Variants in CDH2 observed in about 807,000 individuals in gnomAD.
CDH2 encodes cadherin 2, also known as cadherin-2.
Under a neutral mutation model 92.0 loss-of-function variants are expected in CDH2, and 17 were observed. That is an observed-to-expected ratio of 0.18 (90% CI 0.13 to 0.28). CDH2 has a LOEUF of 0.28. CDH2 is among the 10% of genes least tolerant of loss of function. CDH2 has a pLI of 1.00. For missense variants in CDH2, 862 were observed against 1,133.1 expected (o/e 0.76, Z 3.44); for synonymous variants, 419 against 415.9 (o/e 1.01, Z -0.09).
intron 1 of CDH2, among the ~76,000 whole-genome samples, chr18:28,154,540 G>A (rs2016178189): frequency 6.6e-6 from 1 of 152,222 alleles, no homozygotes; most frequent in Non-Finnish European, 1.5e-5. Context: ...GCTTGCCTGT[G>A]AGTATCAGTC....
chr18:28,133,354 C>T (rs1039402390), intron 2 of CDH2, among the ~76,000 whole-genome samples: 1 of 151,798 alleles, frequency 6.6e-6, no homozygotes, highest in African/African-American at 2.4e-5. Context: ...GAGGCCGAGG[C>T]GGGTGGATCG....
chr18:27,959,568 A>G (rs2011343282), intron 15 of CDH2: 1 of 152,194 alleles, frequency 6.6e-6, no homozygotes, highest in Non-Finnish European at 1.5e-5. Context: ...TTGTCTGTCC[A>G]GTAAATGAAG....
chr18:28,011,822 A>C (rs200975505), intron 4 of CDH2, 24 bp downstream of exon 4: 4 of 1,607,888 alleles, frequency 2.5e-6, no homozygotes, highest in Non-Finnish European at 3.4e-6. Flanking sequence ...TGGTATGAAA[A>C]CAGTTAAAAT....
chr18:28,112,860 G>A (rs2015434626), intron 2 of CDH2, among the ~76,000 whole-genome samples: 1 of 152,108 alleles, frequency 6.6e-6, no homozygotes, highest in Non-Finnish European at 1.5e-5. Flanking sequence ...TTGCAAGAGT[G>A]TATCCTAATT....
intron 2 of CDH2, among the ~76,000 whole-genome samples, chr18:28,115,125 G>A (rs1266360286): frequency 6.6e-6 from 1 of 152,206 alleles, no homozygotes. Flanking sequence ...TCTTCAACCT[G>A]TCCTTAAAGC....
chr18:28,176,996 C>A lies in CDH2; in HGVS notation c.27G>T (p.Arg9=), dbSNP rs1598530631. The change falls in exon 1 of 16, where the codon CGG becomes CGT. Residue 9 remains arginine (R), a synonymous_variant. Transcript: ENST00000269141. MCRIAGAL[R]TLLPLLAALL... ...GGGCCGCCAGCAGCGGCAGCAGGGT[C>A]CGCAGCGCTCCCGCTATCCGGCACA... 3.4e-6 allele frequency: 5 copies of A among 1,480,576 alleles called. No individual in the cohort carries two copies. The highest frequency in any genetic ancestry group is 4.5e-6 in the Non-Finnish European group (5 of 1,118,462). The allele number at this position is 1,480,576 out of a possible 1,614,324, so 91.7% of individuals were successfully genotyped here. A position where few individuals can be genotyped will look rare whatever the true frequency, so the allele number is the denominator to read the frequency against.
rs553426746 is a variant in CDH2, at chr18:28,101,390, C to CTTAATT, written c.172+46277_172+46282dup. Reference sequence around the variant, plus strand: ...ATATGACTCTCCTGACTAAACACAACTTAATTTTCATCTGCCATAATGAAG... The same window carrying CTTAATT: ...ATATGACTCTCCTGACTAAACACAACTTAATTTTAATTTTCATCTGCCATAATGAAG... On this transcript the variant is annotated intron_variant, in intron 2 of 15. Coordinates refer to ENST00000269141, the MANE Select transcript of CDH2 (RefSeq NM_001792.5). Among the ~76,000 whole-genome samples the CTTAATT allele has an allele frequency of 1.0e-3, 153 of 152,236 alleles. 1 individual carries two copies. The highest frequency in any genetic ancestry group is 1.8e-3 in the Non-Finnish European group (121 of 67,996).
intron 7 of CDH2, among the ~76,000 whole-genome samples, chr18:28,002,105 C>T (rs544155595): frequency 5.9e-5 from 9 of 152,090 alleles, no homozygotes; most frequent in Non-Finnish European, 1.3e-4. Flanking sequence ...ATAGTCAGGA[C>T]AGAATCGAGA....
intron 2 of CDH2, among the ~76,000 whole-genome samples, chr18:28,147,421 A>C (rs139636048): frequency 5.3e-5 from 8 of 152,270 alleles, no homozygotes; most frequent in African/African-American, 1.7e-4. Context: ...AATCAGTTAC[A>C]TAACGGTTTC....
intron 5 of CDH2, among the ~76,000 whole-genome samples, chr18:28,007,732 T>G (rs943180049): frequency 4.6e-5 from 7 of 152,244 alleles, no homozygotes; most frequent in Middle Eastern, 3.4e-3. Context: ...GTTTTTGTTT[T>G]TTTTGTGAGA....
chr18:27,963,683 C>T (rs941892747), intron 14 of CDH2, 162 bp from the exon 15 acceptor site: 2 of 603,200 alleles, frequency 3.3e-6, no homozygotes, highest in Non-Finnish European at 5.8e-6. Flanking sequence ...TTAAATATTT[C>T]TTTCACACAG....
At chr18:27,976,843 G>T (rs2011848093) in intron 14 of CDH2, among the ~76,000 whole-genome samples, 2 of 152,162 alleles carry the variant, frequency 1.3e-5, no homozygotes, top group South Asian at 4.1e-4. Flanking sequence ...TTGTAATTAA[G>T]TCTAAGCCTT....
intron 1 of CDH2, among the ~76,000 whole-genome samples, chr18:28,153,464 GTAGATGCTACT>G (rs1307296608): frequency 1.3e-5 from 2 of 152,220 alleles, no homozygotes; most frequent in East Asian, 1.9e-4. Context: ...AAGTCTTCAT[GTAGATGCTACT>G]TAGATGCTAA....
chr18:28,080,155 A>G (rs187383921), intron 2 of CDH2, among the ~76,000 whole-genome samples: 53 of 152,280 alleles, frequency 3.5e-4, no homozygotes, highest in Admixed American at 5.2e-4. Flanking sequence ...CCTGAGGGCA[A>G]AGCAAAAACT....
chr18:28,043,218 T>C (rs2013983700), intron 2 of CDH2, among the ~76,000 whole-genome samples: 2 of 151,930 alleles, frequency 1.3e-5, no homozygotes, highest in Admixed American at 6.6e-5. Context: ...AAATATCATA[T>C]GTTCTCACTT....
At chr18:27,978,865 A>G (rs543395952) in intron 14 of CDH2, among the ~76,000 whole-genome samples, 20 of 152,096 alleles carry the variant, frequency 1.3e-4, no homozygotes, top group South Asian at 8.3e-4. Flanking sequence ...TATGTTGCCC[A>G]GGCTGGTCTT....
At chr18:28,133,925 G>A (rs972276150) in intron 2 of CDH2, among the ~76,000 whole-genome samples, 13 of 152,070 alleles carry the variant, frequency 8.5e-5, no homozygotes, top group African/African-American at 2.4e-4. Context: ...CTGGGAGGCC[G>A]AAGCAGGAGG....
At chr18:28,020,046 C>A (rs2013365801) in intron 2 of CDH2, among the ~76,000 whole-genome samples, 1 of 152,088 alleles carries the variant, frequency 6.6e-6, no homozygotes, top group South Asian at 2.1e-4. Context: ...AATTAAAAAG[C>A]TTTCAAATTT....
intron 6 of CDH2, among the ~76,000 whole-genome samples, chr18:27,934,738 G>T (rs1908979430): frequency 6.6e-6 from 1 of 151,996 alleles, no homozygotes; most frequent in African/African-American, 2.4e-5. Flanking sequence ...TAACTAATTT[G>T]GTACAAGAGT....
Sources: gnomAD v4.1 joint callset for allele counts (sites outside exome capture counted in the v4.1 genomes callset) on GRCh38, gnomAD v4.1.1 for gene constraint, MANE v1.5 for transcripts, NCBI Gene and HGNC (gene_info 2026-07-23, HGNC 2026-07-21) for gene names.